NPAS3: variants seen among roughly 807,000 people sequenced by gnomAD.
The protein encoded by NPAS3 is neuronal PAS domain-containing protein 3.
Under a neutral mutation model 73.1 loss-of-function variants are expected in NPAS3, and 14 were observed. The observed-to-expected ratio is 0.19, with a 90% CI of 0.13 to 0.30. The LOEUF (loss-of-function observed/expected upper bound fraction) is 0.30. Ranked by LOEUF, NPAS3 falls within the 10% of genes least tolerant of loss-of-function variation. The pLI is 1.00. For synonymous variants in NPAS3, 620 were observed against 541.5 expected, an observed-to-expected ratio of 1.14 and a Z score of -2.01; for missense variants, 1,096 against 1,250.0, an observed-to-expected ratio of 0.88 and a Z score of 1.86.
chr14:33,319,571 A>T (rs1022648013), intron 3 of NPAS3, among the ~76,000 whole-genome samples: 1 of 152,108 alleles, frequency 6.6e-6, no homozygotes, highest in African/African-American at 2.4e-5. Context: ...CTTCTCCTTA[A>T]CAAAAAGAAT....
chr14:33,356,222 G>T (rs768641061), intron 3 of NPAS3, among the ~76,000 whole-genome samples: 6 of 152,296 alleles, frequency 3.9e-5, no homozygotes, highest in Admixed American at 6.5e-5. Flanking sequence ...AAGACAGCTG[G>T]AAAACAAATA....
intron 3 of NPAS3, among the ~76,000 whole-genome samples, chr14:33,250,421 A>G (rs2048540215): frequency 6.6e-6 from 1 of 152,106 alleles, no homozygotes. Flanking sequence ...ATAAAGTTGT[A>G]ATAGGGTTTT....
chr14:33,400,319 G>T (rs546599690), intron 4 of NPAS3, among the ~76,000 whole-genome samples: 2 of 152,082 alleles, frequency 1.3e-5, no homozygotes, highest in Admixed American at 6.6e-5. Flanking sequence ...TATCTTAAGG[G>T]ACATAATAGC....
At chr14:33,498,931 A>AGTGTGTGTGTGT (rs768888278) in intron 4 of NPAS3, among the ~76,000 whole-genome samples, 1 of 119,330 alleles carries the variant, frequency 8.4e-6, no homozygotes, top group Admixed American at 8.5e-5. Context: ...AGAGACAGAG[A>AGTGTGTGTGTGT]GAGAGTGTGT....
intron 5 of NPAS3, among the ~76,000 whole-genome samples, chr14:33,563,911 T>G (rs1355056646): frequency 6.6e-6 from 1 of 152,126 alleles, no homozygotes; most frequent in Non-Finnish European, 1.5e-5. Context: ...TCTTCCAAAA[T>G]GTAAGGGGCT....
Position 33,042,551 on chromosome 14 carries a change from A to G in NPAS3, c.51-13354A>G, listed in dbSNP as rs558893933. Reference sequence around the variant, plus strand: ...GCCAAAATATCAATGCAATTGAGGCACATTTCTTGCTCTCTACCCCATTCT... The same window carrying G: ...GCCAAAATATCAATGCAATTGAGGCGCATTTCTTGCTCTCTACCCCATTCT... On this transcript the variant is annotated intron_variant, in intron 1 of 11. Transcript: ENST00000356141. Among the ~76,000 whole-genome samples, 6 of 152,320 alleles carry G rather than the reference A, an allele frequency of 3.9e-5. No individual in the cohort carries two copies. In the East Asian group the frequency reaches 1.2e-3, roughly 29 times the overall value.
chr14:33,342,944 G>A (rs2044553943), intron 3 of NPAS3, among the ~76,000 whole-genome samples: 1 of 152,088 alleles, frequency 6.6e-6, no homozygotes, highest in African/African-American at 2.4e-5. Flanking sequence ...GTATCTGAGT[G>A]TCACGAGGCA....
chr14:33,364,070 G>T (rs957341087), intron 3 of NPAS3, among the ~76,000 whole-genome samples: 1 of 152,052 alleles, frequency 6.6e-6, no homozygotes, highest in African/African-American at 2.4e-5. Context: ...TGACCCGTTC[G>T]GCAATAGTAA....
chr14:33,298,625 A>G (rs1241863686), intron 3 of NPAS3, among the ~76,000 whole-genome samples: 9 of 152,084 alleles, frequency 5.9e-5, no homozygotes, highest in Admixed American at 5.9e-4. Context: ...CCTTTCCTAT[A>G]TGTTTTCCCT....
chr14:33,790,317 G>A (rs1280211379), intron 9 of NPAS3, among the ~76,000 whole-genome samples: 1 of 152,162 alleles, frequency 6.6e-6, no homozygotes, highest in Non-Finnish European at 1.5e-5. Context: ...CTTTCTCACT[G>A]CTTAAACCTA....
intron 1 of NPAS3, among the ~76,000 whole-genome samples, chr14:33,035,446 C>T (rs565733441): frequency 2.6e-5 from 4 of 152,262 alleles, no homozygotes; most frequent in South Asian, 2.1e-4. Flanking sequence ...GCTGTGCACA[C>T]GTCTGATCTC....
intron 6 of NPAS3, among the ~76,000 whole-genome samples, chr14:33,725,266 A>AAAAT (rs909086236): frequency 6.6e-6 from 1 of 152,070 alleles, no homozygotes; most frequent in Non-Finnish European, 1.5e-5. Flanking sequence ...AGTATAATAA[A>AAAAT]AAATAAATAA....
intron 4 of NPAS3, among the ~76,000 whole-genome samples, chr14:33,517,410 ATGT>A (rs1265793598): frequency 6.6e-6 from 1 of 152,102 alleles, no homozygotes; most frequent in Non-Finnish European, 1.5e-5. Flanking sequence ...CATTTGAGTT[ATGT>A]CATTAGATCT....
At chr14:33,784,574 G>A (rs1205685423) in intron 9 of NPAS3, among the ~76,000 whole-genome samples, 1 of 151,996 alleles carries the variant, frequency 6.6e-6, no homozygotes, top group Non-Finnish European at 1.5e-5. Context: ...GAGAGACATA[G>A]AACACAAACA....
intron 7 of NPAS3, among the ~76,000 whole-genome samples, chr14:33,745,203 C>T (rs534540354): frequency 6.6e-6 from 1 of 151,688 alleles, no homozygotes; most frequent in Non-Finnish European, 1.5e-5. Context: ...GAGCCATGAC[C>T]GTGCCACTGC....
intron 9 of NPAS3, chr14:33,780,736 A>G: frequency 2.4e-6 from 1 of 422,672 alleles, no homozygotes; most frequent in Non-Finnish European, 4.7e-6. Context: ...TTTCCGATTT[A>G]CTTTTATCTC....
intron 2 of NPAS3, among the ~76,000 whole-genome samples, chr14:33,169,726 A>C (rs1211671349): frequency 6.6e-6 from 1 of 152,258 alleles, no homozygotes; most frequent in Non-Finnish European, 1.5e-5. Flanking sequence ...CTATGAGTAC[A>C]GAAAGGCTGC....
At chr14:33,787,199 A>G (rs1200333879) in intron 9 of NPAS3, among the ~76,000 whole-genome samples, 3 of 152,212 alleles carry the variant, frequency 2.0e-5, no homozygotes, top group African/African-American at 4.8e-5. Flanking sequence ...CCTCATGCCA[A>G]CAATTATTTT....
At chr14:33,406,553 A>G (rs1475879470) in intron 4 of NPAS3, among the ~76,000 whole-genome samples, 1 of 152,138 alleles carries the variant, frequency 6.6e-6, no homozygotes. Context: ...ATCCTGGACC[A>G]GCTGTTTTTC....
Sources: gnomAD v4.1 joint callset for allele counts (sites outside exome capture counted in the v4.1 genomes callset) on GRCh38, gnomAD v4.1.1 for gene constraint, MANE v1.5 for transcripts, NCBI Gene and HGNC (gene_info 2026-07-23, HGNC 2026-07-21) for gene names.